The following ANK2 variants were observed in gnomAD, a reference collection of about 807,000 sequenced individuals.
The protein encoded by ANK2 is ankyrin 2, also known as ankyrin-2.
ANK2 carries 83 observed loss-of-function variants against 360.5 expected under a neutral mutation model. The observed-to-expected ratio is 0.23, with a 90% CI of 0.19 to 0.28. The LOEUF is 0.28. ANK2 is among the 10% of genes least tolerant of loss of function. The probability of loss-of-function intolerance (pLI) is 1.00; values close to 1 mark genes in which losing one functional copy is unlikely to be tolerated. For missense variants in ANK2, 4,201 were observed against 4,795.7 expected (o/e 0.88, Z 3.66); for synonymous variants, 1,740 against 1,759.5 (o/e 0.99, Z 0.28).
At chr4:112,884,270 G>A (rs2077632765) in intron 1 of ANK2, among the ~76,000 whole-genome samples, 3 of 152,274 alleles carry the variant, frequency 2.0e-5, no homozygotes, top group Admixed American at 1.3e-4. Flanking sequence ...GAATAGATCA[G>A]GAGTTTGATT....
At chr4:112,996,863 A>G (rs962560234) in intron 2 of ANK2, among the ~76,000 whole-genome samples, 7 of 152,034 alleles carry the variant, frequency 4.6e-5, no homozygotes, top group East Asian at 1.9e-4. Context: ...TAATTTTTGT[A>G]CGCATTAACT....
chr4:113,163,431 GTCATCTTAC>G (rs2097613475), intron 1 of ANK2, among the ~76,000 whole-genome samples: 1 of 151,800 alleles, frequency 6.6e-6, no homozygotes, highest in Admixed American at 6.6e-5. Context: ...ATGGGCTTTT[GTCATCTTAC>G]AGATGACAAT....
intron 4 of ANK2, among the ~76,000 whole-genome samples, chr4:113,221,345 G>A (rs1223663465): frequency 6.6e-6 from 1 of 152,144 alleles, no homozygotes; most frequent in African/African-American, 2.4e-5. Flanking sequence ...AGGTCTTGAT[G>A]TTCAGTTATT....
intron 1 of ANK2, among the ~76,000 whole-genome samples, chr4:113,138,271 A>G (rs1056460884): frequency 1.3e-5 from 2 of 152,188 alleles, no homozygotes; most frequent in Admixed American, 6.5e-5. Context: ...TAGTCTATGT[A>G]TCATTCCATA....
chr4:113,364,272 G>A (rs1209975442), intron 40 of ANK2, among the ~76,000 whole-genome samples: 1 of 152,180 alleles, frequency 6.6e-6, no homozygotes, highest in Non-Finnish European at 1.5e-5. Flanking sequence ...AAAAGTGTTT[G>A]GGGTTTTATT....
chr4:113,306,312 G>T (rs2077220703), intron 23 of ANK2, among the ~76,000 whole-genome samples: 1 of 152,154 alleles, frequency 6.6e-6, no homozygotes. Context: ...AGATTTTAGG[G>T]ATTAGATAAG....
chr4:113,237,099 C>T lies in ANK2; in HGVS notation c.596C>T (p.Ala199Val). 1 of 1,614,138 alleles carries T rather than the reference C, an allele frequency of 6.2e-7. No individual in the cohort carries two copies. Among genetic ancestry groups the T allele is most frequent in the Non-Finnish European group, 8.5e-7 (1 of 1,179,994 alleles). ...GTGAGGCTGCCAGCTCTGCATATTG[C>T]CGCTAGGAAAGACGACACCAAATCT... ...GKVRLPALHI[A>V]ARKDDTKSAA... Residue 199 changes from alanine to valine, a missense_variant, in exon 6 of 46, where the codon GCC (alanine) becomes GTC (valine). This residue lies in a region of ANK2 where 122 missense variants were observed against 239.3 expected (regional missense o/e 0.51). Transcript: ENST00000357077.
chr4:112,929,497 C>A (rs994629005), intron 2 of ANK2, among the ~76,000 whole-genome samples: 1 of 152,208 alleles, frequency 6.6e-6, no homozygotes. Context: ...TGTGACCAAT[C>A]TTCATCCATT....
At chr4:113,054,534 A>G (rs1046686565) in intron 1 of ANK2, among the ~76,000 whole-genome samples, 1 of 152,206 alleles carries the variant, frequency 6.6e-6, no homozygotes, top group Non-Finnish European at 1.5e-5. Flanking sequence ...TGGGTGTCCA[A>G]ATAGTATTGG....
chr4:113,313,142 A>G (rs1171352776), intron 24 of ANK2, among the ~76,000 whole-genome samples: 2 of 152,216 alleles, frequency 1.3e-5, no homozygotes, highest in East Asian at 1.9e-4. Context: ...CTGGAGTTCC[A>G]TAAGCTGTCT....
intron 1 of ANK2, among the ~76,000 whole-genome samples, chr4:112,878,704 G>C (rs955127845): frequency 1.3e-5 from 2 of 151,840 alleles, no homozygotes; most frequent in Non-Finnish European, 2.9e-5. Flanking sequence ...CGCGATCTAG[G>C]CTCACTACAA....
At chr4:112,866,717 A>G (rs1015850114) in intron 1 of ANK2, among the ~76,000 whole-genome samples, 1 of 152,114 alleles carries the variant, frequency 6.6e-6, no homozygotes, top group Non-Finnish European at 1.5e-5. Flanking sequence ...GTATTTTGCA[A>G]TGCTACTGAT....
At chr4:112,821,008 T>C (rs906995198) in intron 1 of ANK2, among the ~76,000 whole-genome samples, 1 of 151,894 alleles carries the variant, frequency 6.6e-6, no homozygotes, top group Non-Finnish European at 1.5e-5. Context: ...GCTTCCCGGG[T>C]TCAAGCGATT....
rs1447148756 is a variant in ANK2 at position 113,014,464 on chromosome 4, G to T, written c.21+109950G>T. 4.6e-5 allele frequency among the ~76,000 whole-genome samples: 7 copies of T among 152,252 alleles called. No homozygotes were observed. The South Asian group carries it at 1.5e-3, about 32-fold the overall frequency. ...GAGGTTGAAAAACTCACCCAAGGTT[G>T]CATGACTACCATGTCTATTAAGTCT... On this transcript the variant is annotated intron_variant, in intron 2 of 30. Coordinates refer to the ANK2 transcript ENST00000503271.
At chr4:113,376,073 G>C (rs1206693439) in intron 45 of ANK2, among the ~76,000 whole-genome samples, 1 of 152,166 alleles carries the variant, frequency 6.6e-6, no homozygotes, top group Non-Finnish European at 1.5e-5. Context: ...TGATGACCTT[G>C]AGCAGTAGGA....
Position 113,287,618 on chromosome 4 carries a change from C to A in ANK2, c.2093C>A (p.Ser698Tyr), listed in dbSNP as rs752702820. ...IHMSTKSGLT[S>Y]LHLAAQEDKV... ...TTCTTTCTGTAGAGTGGACTCACAT[C>A]CTTACACCTTGCAGCCCAGGAAGAT... Residue 698 changes from serine to tyrosine, a missense_variant, in exon 19 of 46, where the codon TCC (serine) becomes TAC (tyrosine). Ser to Tyr is a moderately radical substitution (Grantham distance 144). Coordinates refer to ENST00000357077, the MANE Select transcript of ANK2 (RefSeq NM_001148.6). The A allele has an allele frequency of 6.2e-7, 1 of 1,611,286 alleles. No homozygotes were observed. The highest frequency in any genetic ancestry group is 1.1e-5 in the South Asian group (1 of 91,010).
chr4:113,370,893 G>A (rs1186389129), intron 43 of ANK2, among the ~76,000 whole-genome samples: 7 of 152,150 alleles, frequency 4.6e-5, no homozygotes, highest in Admixed American at 4.6e-4. Context: ...AGGGTGGGGA[G>A]GGAAAGCAAG....
At chr4:112,758,084 T>G in the ANK2 span, among the ~76,000 whole-genome samples, 1 of 152,004 alleles carries the variant, frequency 6.6e-6, no homozygotes, top group Non-Finnish European at 1.5e-5. Context: ...TGTATTTTTT[T>G]TTTTTAATAG....
intron 1 of ANK2, among the ~76,000 whole-genome samples, chr4:112,889,250 A>T (rs920163668): frequency 6.6e-6 from 1 of 151,916 alleles, no homozygotes; most frequent in Non-Finnish European, 1.5e-5. Context: ...AAAAAAACAA[A>T]ACCTTAAATT....
Sources: allele counts gnomAD v4.1 joint callset (sites outside exome capture counted in the v4.1 genomes callset), GRCh38; gene constraint gnomAD v4.1.1; regional missense constraint gnomAD v4.1.1; transcripts MANE v1.5; gene names NCBI Gene and HGNC (gene_info 2026-07-23, HGNC 2026-07-21).